Variants in TCERG1L observed in about 807,000 individuals in gnomAD.
TCERG1L encodes the protein transcription elongation regulator 1 like.
In TCERG1L, 37 loss-of-function variants were observed where a neutral mutation model predicts 56.3. The ratio of observed to expected loss-of-function variants is 0.66; its 90% confidence interval spans 0.51 to 0.87. The LOEUF (loss-of-function observed/expected upper bound fraction) is 0.87, where lower values mean the gene tolerates loss of function less well. Among genes scored for constraint, TCERG1L ranks in the 40% least tolerant of loss-of-function variants. The pLI is 0.00. For missense variants in TCERG1L, 799 were observed against 774.2 expected, an observed-to-expected ratio of 1.03 and a Z score of -0.38; for synonymous variants, 324 against 326.3, an observed-to-expected ratio of 0.99 and a Z score of 0.08.
chr10:131,096,954 C>T (rs1845254972), intron 11 of TCERG1L, among the ~76,000 whole-genome samples: 1 of 150,938 alleles, frequency 6.6e-6, no homozygotes, highest in Admixed American at 6.6e-5. Flanking sequence ...AATCCAAGTA[C>T]TTTGGGAGGT....
Position 131,225,053 on chromosome 10 carries a change from C to A in TCERG1L, c.856+35206G>T, listed in dbSNP as rs568899872. Among the ~76,000 whole-genome samples, 13 of 152,286 alleles carry A rather than the reference C, an allele frequency of 8.5e-5. 1 individual carries two copies. Among genetic ancestry groups the A allele is most frequent in the African/African-American group, 1.7e-4 (7 of 41,564 alleles). On this transcript the variant is annotated intron_variant, in intron 4 of 11. Coordinates refer to ENST00000368642, the MANE Select transcript of TCERG1L (RefSeq NM_174937.4). ...CCGTGGATGTGTTGACTGAGAAAGG[C>A]CTGAGTATTGTCTCGTTTTGCAGAT...
chr10:131,288,244 T>A, intron 3 of TCERG1L, among the ~76,000 whole-genome samples: 1 of 152,168 alleles, frequency 6.6e-6, no homozygotes, highest in East Asian at 1.9e-4. Flanking sequence ...AAGTGCAGAT[T>A]CAGAATGATT....
intron 6 of TCERG1L, among the ~76,000 whole-genome samples, chr10:131,151,359 T>C (rs891252511): frequency 6.6e-6 from 1 of 151,894 alleles, no homozygotes; most frequent in African/African-American, 2.4e-5. Context: ...GCTCCCATAC[T>C]AAATGGGAGA....
At chr10:131,232,493 G>A (rs1323305528) in intron 4 of TCERG1L, among the ~76,000 whole-genome samples, 1 of 152,240 alleles carries the variant, frequency 6.6e-6, no homozygotes, top group African/African-American at 2.4e-5. Flanking sequence ...GCCCCGAGAT[G>A]CCTGTTTCAC....
At chr10:131,181,471 C>T (rs1220650522) in intron 4 of TCERG1L, among the ~76,000 whole-genome samples, 3 of 152,262 alleles carry the variant, frequency 2.0e-5, no homozygotes, top group Non-Finnish European at 4.4e-5. Context: ...TCTCCATCAA[C>T]TGAATGGGAA....
At chr10:131,154,928 C>A (rs1845903765) in intron 6 of TCERG1L, among the ~76,000 whole-genome samples, 1 of 152,246 alleles carries the variant, frequency 6.6e-6, no homozygotes, top group South Asian at 2.1e-4. Context: ...GTCTTGCTGT[C>A]CTTTCTCATA....
At chr10:131,219,702 G>A (rs111653772) in intron 4 of TCERG1L, among the ~76,000 whole-genome samples, 14 of 152,194 alleles carry the variant, frequency 9.2e-5, no homozygotes, top group African/African-American at 2.9e-4. Flanking sequence ...GAAGCTCACC[G>A]CGGCATCCCT....
Position 131,208,451 on chromosome 10 carries a change from C to T in TCERG1L, c.857-41566G>A, listed in dbSNP as rs191412325. ...GGTGAGCTCCGCAGAGACCAGCTGCCGAGAACGCCCGGTTCACAGGCTGCT... is the reference window on the plus strand; with the variant it reads ...GGTGAGCTCCGCAGAGACCAGCTGCTGAGAACGCCCGGTTCACAGGCTGCT... On this transcript the variant is annotated intron_variant, in intron 4 of 11. Coordinates refer to ENST00000368642, the MANE Select transcript of TCERG1L (RefSeq NM_174937.4). Among the ~76,000 whole-genome samples, 14 of 152,286 alleles carry T rather than the reference C, an allele frequency of 9.2e-5. No individual in the cohort carries two copies. In the East Asian group the frequency reaches 1.5e-3, roughly 17 times the overall value.
At chr10:131,282,278 T>C (rs77239874) in intron 3 of TCERG1L, among the ~76,000 whole-genome samples, 11,286 of 152,186 alleles carry the variant, frequency 0.074, 529 homozygotes, top group African/African-American at 0.12. Flanking sequence ...CAGAATTATA[T>C]TGAAGTCACA....
At chr10:131,136,397 T>A (rs1845675608) in intron 7 of TCERG1L, among the ~76,000 whole-genome samples, 1 of 151,934 alleles carries the variant, frequency 6.6e-6, no homozygotes, top group African/African-American at 2.4e-5. Flanking sequence ...GGGCCTGGGG[T>A]GAGCACTTCT....
At chr10:131,203,134 C>T (rs1232376849) in intron 4 of TCERG1L, among the ~76,000 whole-genome samples, 1 of 152,196 alleles carries the variant, frequency 6.6e-6, no homozygotes, top group Non-Finnish European at 1.5e-5. Flanking sequence ...TTTTCAATGA[C>T]AGCAGTGACG....
At chr10:131,193,402 G>T (rs1019961427) in intron 4 of TCERG1L, among the ~76,000 whole-genome samples, 2 of 152,158 alleles carry the variant, frequency 1.3e-5, no homozygotes, top group Non-Finnish European at 2.9e-5. Flanking sequence ...GCCTATGCAA[G>T]TCAGAAATTA....
At chr10:131,193,075 T>C (rs1845320395) in intron 4 of TCERG1L, among the ~76,000 whole-genome samples, 1 of 152,220 alleles carries the variant, frequency 6.6e-6, no homozygotes. Flanking sequence ...TGACATCTCA[T>C]TGTGGTCTAC....
At position 131,136,146 on chromosome 10, in the gene TCERG1L, C is replaced by G. The variant is rs369559057; in HGVS notation, c.1190-1698G>C. On this transcript the variant is annotated intron_variant, in intron 7 of 11. Transcript: ENST00000368642. ...GAGAGCCACTGGTCTAGAGCCAACA[C>G]CATTGATAATAACTGGGGGGCCATG... Among the ~76,000 whole-genome samples, 18 of 152,316 alleles carry G rather than the reference C, an allele frequency of 1.2e-4. No individual in the cohort carries two copies. In the East Asian group the frequency reaches 2.1e-3, roughly 18 times the overall value.
chr10:131,283,205 C>A (rs1401105180), intron 3 of TCERG1L, among the ~76,000 whole-genome samples: 1 of 152,186 alleles, frequency 6.6e-6, no homozygotes, highest in Non-Finnish European at 1.5e-5. Context: ...TGCATTGGTA[C>A]AGTTGCCAAA....
At chr10:131,185,969 A>G (rs192453512) in intron 4 of TCERG1L, among the ~76,000 whole-genome samples, 11 of 152,380 alleles carry the variant, frequency 7.2e-5, no homozygotes, top group Middle Eastern at 3.4e-3. Flanking sequence ...ATGAGCATCA[A>G]TGGATGGGTG....
Position 131,180,017 on chromosome 10 carries a change from C to G in TCERG1L, c.857-13132G>C, listed in dbSNP as rs541213386. ...AAGCATTGCCCTGCTCTGAGCATGG[C>G]CTGAGACCTGAGGGAGGTCGGGAGA... is the stretch of plus-strand genomic sequence containing the variant. On this transcript the variant is annotated intron_variant, in intron 4 of 11. Transcript: ENST00000368642. Among the ~76,000 whole-genome samples, 3 of 152,240 alleles carry G rather than the reference C, an allele frequency of 2.0e-5. No individual in the cohort carries two copies. The South Asian group carries it at 6.2e-4, about 32-fold the overall frequency.
rs1255616010 is a variant in TCERG1L at position 131,103,246 on chromosome 10, A to C, written c.1485+1019T>G. Among the ~76,000 whole-genome samples, 6 of 152,160 alleles carry C rather than the reference A, an allele frequency of 3.9e-5. No individual in the cohort carries two copies. The highest frequency in any genetic ancestry group is 7.2e-5 in the African/African-American group (3 of 41,436). The stretch of plus-strand genomic sequence containing the variant: ...TTCAGGGAGGTAAAAAAAAGGCAAT[A>C]ATTTTTAAGGAAAAATAAATGAGAG... On this transcript the variant is annotated intron_variant, in intron 10 of 11. Transcript: ENST00000368642. This position sits in a 1 kb window ranked among gnomAD's most constrained non-coding sequence, Gnocchi z 4.3.
chr10:131,099,710 A>G (rs1001909635), intron 10 of TCERG1L, among the ~76,000 whole-genome samples: 8 of 152,202 alleles, frequency 5.3e-5, no homozygotes, highest in Non-Finnish European at 1.0e-4. Flanking sequence ...TTCAGATTCC[A>G]TGTCAGCAGT....
Sources: gnomAD v4.1 joint callset for allele counts (sites outside exome capture counted in the v4.1 genomes callset) on GRCh38, gnomAD v4.1.1 for gene constraint, Gnocchi (gnomAD v3.1) non-coding constraint, MANE v1.5 for transcripts, NCBI Gene and HGNC (gene_info 2026-07-23, HGNC 2026-07-21) for gene names.